CEP112: variants seen among roughly 807,000 people sequenced by gnomAD.
The protein encoded by CEP112 is centrosomal protein of 112 kDa.
A neutral mutation model predicts 153.0 loss-of-function variants in CEP112; 127 were observed. That is an observed-to-expected ratio of 0.83 (90% confidence interval 0.72 to 0.96). The LOEUF (loss-of-function observed/expected upper bound fraction) is 0.96. Ranked by LOEUF, CEP112 falls within the 40% of genes least tolerant of loss-of-function variation. The pLI is 0.00. For synonymous variants in CEP112, 358 were observed against 374.4 expected (o/e 0.96, Z 0.51); for missense variants, 1,089 against 1,101.2 (o/e 0.99, Z 0.16).
chr17:66,011,571 G>A (rs1054066340), intron 16 of CEP112, among the ~76,000 whole-genome samples: 1 of 152,092 alleles, frequency 6.6e-6, no homozygotes, highest in East Asian at 1.9e-4. Flanking sequence ...AATGCACTGT[G>A]GTCCAAGAGT....
chr17:65,930,992 T>C lies in CEP112; in HGVS notation c.1873-3303A>G, dbSNP rs1375966251. Reference sequence around the variant, plus strand: ...CTAGGACTTAACATCTTTATTCTTCTAGCACATTGTGTATTTCTCTATAAA... The same window carrying C: ...CTAGGACTTAACATCTTTATTCTTCCAGCACATTGTGTATTTCTCTATAAA... On this transcript the variant is annotated intron_variant, in intron 18 of 26. Transcript: ENST00000535342. Among the ~76,000 whole-genome samples the C allele has an allele frequency of 2.0e-5, 3 of 152,268 alleles. No homozygotes were observed. The East Asian group carries it at 5.8e-4, about 29-fold the overall frequency.
At chr17:65,706,355 T>A (rs1392511716) in intron 23 of CEP112, among the ~76,000 whole-genome samples, 2 of 152,180 alleles carry the variant, frequency 1.3e-5, no homozygotes, top group East Asian at 1.9e-4. Context: ...GACACCCTGG[T>A]GCAGTCCCTG....
rs544492327 is a variant in CEP112 at position 66,129,284 on chromosome 17, C to T, written c.642+462G>A. The stretch of plus-strand genomic sequence containing the variant: ...TCGTGCCTATTTCTGCCTCCAATTC[C>T]CACCTCTCTACCTCTCCAAATACTT... On this transcript the variant is annotated intron_variant, in intron 6 of 26. Transcript: ENST00000535342. 1.8e-4 allele frequency among the ~76,000 whole-genome samples: 27 copies of T among 152,262 alleles called. 1 individual carries two copies. The highest frequency in any genetic ancestry group is 1.6e-3 in the Admixed American group (25 of 15,298).
At chr17:65,814,925 T>C (rs1486679701) in intron 21 of CEP112, among the ~76,000 whole-genome samples, 1 of 152,158 alleles carries the variant, frequency 6.6e-6, no homozygotes, top group Non-Finnish European at 1.5e-5. Flanking sequence ...ATATGCTGTA[T>C]AAAAATACTT....
chr17:66,051,310 A>G (rs540850599), intron 12 of CEP112, among the ~76,000 whole-genome samples: 1 of 150,750 alleles, frequency 6.6e-6, no homozygotes, highest in South Asian at 2.1e-4. Context: ...TCATTCTTGT[A>G]TGTTTCATTT....
chr17:65,640,154 A>ATATATAT lies in CEP112; in HGVS notation c.2799+809_2799+810insATATATA, dbSNP rs1300751452. Among the ~76,000 whole-genome samples, 343 of 78,342 alleles carry ATATATAT rather than the reference A, an allele frequency of 4.4e-3. 6 individuals are homozygous for ATATATAT. The highest frequency in any genetic ancestry group is 0.015 in the African/African-American group (210 of 14,224). The allele number at this position is 78,342 out of a possible 152,430, so 51.4% of individuals were successfully genotyped here. ...CACCCGACCATATATATATATATAT[A>ATATATAT]TTTTTTTTTTTTTTTTTTTGAGACA... On this transcript the variant is annotated intron_variant, in intron 25 of 26. Transcript: ENST00000535342.
intron 21 of CEP112, among the ~76,000 whole-genome samples, chr17:65,801,107 C>G (rs62065081): frequency 0.12 from 18,181 of 152,070 alleles, 1,309 homozygotes; most frequent in Non-Finnish European, 0.17. Context: ...ACTCTGTCAC[C>G]CAGGCTGTAG....
intron 23 of CEP112, among the ~76,000 whole-genome samples, chr17:65,727,022 G>C (rs962172620): frequency 1.8e-4 from 27 of 152,310 alleles, no homozygotes; most frequent in African/African-American, 6.3e-4. Context: ...GGGAACTGCT[G>C]GCCCAAAGGT....
At chr17:65,821,934 T>C (rs913652430) in intron 21 of CEP112, among the ~76,000 whole-genome samples, 1 of 152,038 alleles carries the variant, frequency 6.6e-6, no homozygotes, top group African/African-American at 2.4e-5. Context: ...AAAAGCTTTT[T>C]TAAAACCAAT....
At chr17:65,948,050 G>A (rs1040914572) in intron 18 of CEP112, among the ~76,000 whole-genome samples, 6 of 152,130 alleles carry the variant, frequency 3.9e-5, no homozygotes, top group Admixed American at 2.0e-4. Flanking sequence ...TCCAGATAGT[G>A]TTCTTGCTTC....
intron 4 of CEP112, among the ~76,000 whole-genome samples, chr17:66,158,857 A>T (rs2071567301): frequency 1.3e-5 from 2 of 152,222 alleles, no homozygotes; most frequent in African/African-American, 4.8e-5. Context: ...AGATCAGAGC[A>T]GAACTGAAGG....
At chr17:66,001,146 C>G (rs2064028524) in intron 17 of CEP112, among the ~76,000 whole-genome samples, 1 of 152,170 alleles carries the variant, frequency 6.6e-6, no homozygotes, top group Admixed American at 6.5e-5. Flanking sequence ...GGAGCGTCAC[C>G]CGGCCTCAGG....
intron 21 of CEP112, among the ~76,000 whole-genome samples, chr17:65,806,496 T>C (rs2055608143): frequency 6.6e-6 from 1 of 152,242 alleles, no homozygotes; most frequent in South Asian, 2.1e-4. Flanking sequence ...ATCATTAATA[T>C]GGTTTGGCTC....
chr17:66,046,334 G>A (rs1234301394), intron 12 of CEP112, among the ~76,000 whole-genome samples: 3 of 152,058 alleles, frequency 2.0e-5, no homozygotes, highest in Admixed American at 6.5e-5. Flanking sequence ...GAGCCACCAC[G>A]CCCGGCCAAA....
chr17:66,169,281 T>C (rs1471289280), intron 4 of CEP112, among the ~76,000 whole-genome samples: 1 of 133,114 alleles, frequency 7.5e-6, no homozygotes, highest in Admixed American at 7.8e-5. Context: ...TTTAATTTCT[T>C]CTTTTTTTTT....
intron 20 of CEP112, among the ~76,000 whole-genome samples, chr17:65,870,061 G>GAAAGAAAGAAAGAAAGAAAGA (rs1555689523): frequency 2.9e-4 from 21 of 71,982 alleles, no homozygotes; most frequent in Non-Finnish European, 5.7e-4. Context: ...AAGAAAGAAA[G>GAAAGAAAGAAAGAAAGAAAGA]AAAGAAAGAA....
At chr17:65,678,752 G>T (rs996523241) in intron 24 of CEP112, among the ~76,000 whole-genome samples, 1 of 152,218 alleles carries the variant, frequency 6.6e-6, no homozygotes, top group Non-Finnish European at 1.5e-5. Context: ...CAGTGATGCA[G>T]TCGGTGCTTT....
At chr17:65,918,458 GT>G (rs150696511) in intron 19 of CEP112, among the ~76,000 whole-genome samples, 1 of 151,572 alleles carries the variant, frequency 6.6e-6, no homozygotes, top group Non-Finnish European at 1.5e-5. Context: ...TTTGTTTTTT[GT>G]TTTTTTTGTA....
chr17:66,054,196 A>T lies in CEP112; in HGVS notation c.1075-317T>A, dbSNP rs1466028755. Among the ~76,000 whole-genome samples the T allele has an allele frequency of 2.0e-5, 3 of 152,232 alleles. No individual in the cohort carries two copies. In the East Asian group the frequency reaches 5.8e-4, roughly 29 times the overall value. On this transcript the variant is annotated intron_variant, in intron 11 of 26. Transcript: ENST00000535342. The stretch of plus-strand genomic sequence containing the variant: ...AATACAAGTGAACATTACTAGTATT[A>T]GTCTGAAATGAGAAAACAGAAACAT...
Sources: gnomAD v4.1 joint callset for allele counts (sites outside exome capture counted in the v4.1 genomes callset) on GRCh38, gnomAD v4.1.1 for gene constraint, MANE v1.5 for transcripts, NCBI Gene and HGNC (gene_info 2026-07-23, HGNC 2026-07-21) for gene names.